Variants in TSHZ3 observed in about 807,000 individuals in gnomAD.
TSHZ3 encodes teashirt homolog 3.
A neutral mutation model predicts 64.5 loss-of-function variants in TSHZ3; 10 were observed. The ratio of observed to expected loss-of-function variants is 0.16; its 90% CI spans 0.10 to 0.26. The LOEUF is 0.26. Among genes scored for constraint, TSHZ3 ranks in the 10% least tolerant of loss-of-function variants. TSHZ3 has a pLI of 1.00. For missense variants in TSHZ3, 1,242 were observed against 1,421.7 expected, an observed-to-expected ratio of 0.87 and a Z score of 2.03; for synonymous variants, 608 against 593.1, an observed-to-expected ratio of 1.03 and a Z score of -0.36.
At chr19:31,210,747 A>C (rs549216440) in intron 4 of TSHZ3, among the ~76,000 whole-genome samples, 149 of 152,310 alleles carry the variant, frequency 9.8e-4, no homozygotes, top group Non-Finnish European at 1.1e-3. Flanking sequence ...ACAGATACAT[A>C]ATTTGAAAGA....
chr19:31,228,389 G>T (rs991521938), intron 3 of TSHZ3, among the ~76,000 whole-genome samples: 8 of 151,922 alleles, frequency 5.3e-5, no homozygotes, highest in African/African-American at 1.9e-4. Context: ...AGCTAGGCAT[G>T]GTGGTGTGTG....
intron 5 of TSHZ3, among the ~76,000 whole-genome samples, chr19:31,180,462 G>A (rs1447861283): frequency 6.6e-6 from 1 of 152,176 alleles, no homozygotes; most frequent in East Asian, 1.9e-4. Flanking sequence ...GCTTTTCAAA[G>A]CTATGTGGTT....
chr19:31,341,629 TGACACACACACA>T (rs1917440200), intron 1 of TSHZ3, among the ~76,000 whole-genome samples: 8 of 89,584 alleles, frequency 8.9e-5, no homozygotes, highest in African/African-American at 3.5e-4. Context: ...TCTCTCTCTC[TGACACACACACA>T]CACACACACA....
chr19:31,303,320 C>T (rs1976784843), intron 1 of TSHZ3, among the ~76,000 whole-genome samples: 1 of 152,208 alleles, frequency 6.6e-6, no homozygotes. Context: ...CTAAGGAATA[C>T]GCCCGGGTCT....
intron 4 of TSHZ3, chr19:31,207,351 T>C (rs565357590): frequency 6.6e-6 from 1 of 152,220 alleles, no homozygotes; most frequent in African/African-American, 2.4e-5. Context: ...ATTTTATTGC[T>C]ATTCATACCT....
At chr19:31,216,234 A>C (rs369373694) in intron 4 of TSHZ3, among the ~76,000 whole-genome samples, 2 of 152,120 alleles carry the variant, frequency 1.3e-5, no homozygotes, top group Non-Finnish European at 2.9e-5. Flanking sequence ...CAAGAAATTC[A>C]TTTTAGGCCT....
chr19:31,253,460 G>A (rs751042766), intron 1 of TSHZ3, among the ~76,000 whole-genome samples: 1 of 152,126 alleles, frequency 6.6e-6, no homozygotes, highest in Admixed American at 6.6e-5. Flanking sequence ...CCTCCACAGG[G>A]GTTAACAGAA....
intron 1 of TSHZ3, among the ~76,000 whole-genome samples, chr19:31,252,867 C>G (rs551192224): frequency 6.6e-6 from 1 of 152,164 alleles, no homozygotes; most frequent in East Asian, 1.9e-4. Flanking sequence ...GTGGGCATAT[C>G]TTTTTGGAGA....
intron 6 of TSHZ3, among the ~76,000 whole-genome samples, chr19:31,154,901 C>T (rs1034599474): frequency 2.0e-5 from 3 of 152,206 alleles, no homozygotes; most frequent in Non-Finnish European, 2.9e-5. Context: ...GACCCTTACT[C>T]GGCACTTGCC....
chr19:31,318,105 A>G (rs1159905145), intron 1 of TSHZ3, among the ~76,000 whole-genome samples: 11 of 152,250 alleles, frequency 7.2e-5, no homozygotes, highest in Non-Finnish European at 1.0e-4. Flanking sequence ...CATTTAAAAG[A>G]TCTATAAACA....
intron 5 of TSHZ3, among the ~76,000 whole-genome samples, chr19:31,167,045 C>G (rs1405407985): frequency 6.6e-6 from 1 of 152,076 alleles, no homozygotes; most frequent in Non-Finnish European, 1.5e-5. Context: ...GACCGGAGCC[C>G]CATGTTCCTG....
intron 3 of TSHZ3, among the ~76,000 whole-genome samples, chr19:31,230,918 G>C (rs1184532382): frequency 2.0e-5 from 3 of 151,400 alleles, no homozygotes; most frequent in Non-Finnish European, 4.4e-5. Context: ...TAGCCAGGAT[G>C]GTCTCCATCT....
At chr19:31,331,415 G>A (rs898142972) in intron 1 of TSHZ3, among the ~76,000 whole-genome samples, 5 of 151,656 alleles carry the variant, frequency 3.3e-5, no homozygotes, top group African/African-American at 1.2e-4. Context: ...CTGTTTTTTT[G>A]TTTTGTTCTG....
chr19:31,260,758 T>G (rs1975974379), intron 1 of TSHZ3, among the ~76,000 whole-genome samples: 1 of 152,126 alleles, frequency 6.6e-6, no homozygotes, highest in African/African-American at 2.4e-5. Flanking sequence ...AAAGAACATT[T>G]TGTCCCAGTT....
intron 4 of TSHZ3, among the ~76,000 whole-genome samples, chr19:31,210,675 G>A (rs1042975112): frequency 3.9e-5 from 6 of 152,118 alleles, no homozygotes; most frequent in East Asian, 3.9e-4. Context: ...AAACCTGCAC[G>A]ATTTTCAACT....
At chr19:31,269,603 A>T (rs993396570) in intron 1 of TSHZ3, among the ~76,000 whole-genome samples, 2 of 152,152 alleles carry the variant, frequency 1.3e-5, no homozygotes, top group African/African-American at 4.8e-5. Context: ...AACAGATTTC[A>T]GTTTCTCATA....
chr19:31,171,655 C>A (rs1974536379), intron 5 of TSHZ3, among the ~76,000 whole-genome samples: 1 of 151,620 alleles, frequency 6.6e-6, no homozygotes, highest in African/African-American at 2.4e-5. Flanking sequence ...GACAATTAGG[C>A]CTGTTTCAAA....
At chr19:31,186,270 C>T (rs1974808403) in intron 5 of TSHZ3, among the ~76,000 whole-genome samples, 4 of 152,140 alleles carry the variant, frequency 2.6e-5, no homozygotes, top group Admixed American at 6.5e-5. Flanking sequence ...TGTCCCCACC[C>T]GAATCTCATC....
At position 31,229,425 on chromosome 19, in the gene TSHZ3, C is replaced by T. The variant is rs73927317; in HGVS notation, n.551-1285G>A. ...TTTCAAGTCTCTGGGGGAAATGATG[C>T]GGGGACAACTGCGAAACACTAAAGA... is the stretch of plus-strand genomic sequence containing the variant. On this transcript the variant is annotated intron_variant and non_coding_transcript_variant, in intron 3 of 6. Transcript: ENST00000651361. Among the ~76,000 whole-genome samples the T allele has an allele frequency of 3.6e-3, 555 of 152,172 alleles. 2 individuals carry two copies. The highest frequency in any genetic ancestry group is 0.013 in the African/African-American group (524 of 41,526).
Sources: allele counts gnomAD v4.1 joint callset (sites outside exome capture counted in the v4.1 genomes callset), GRCh38; gene constraint gnomAD v4.1.1; transcripts MANE v1.5; gene names NCBI Gene and HGNC (gene_info 2026-07-23, HGNC 2026-07-21).